SNTG2: variants seen among roughly 807,000 people sequenced by gnomAD.
SNTG2 encodes gamma-2-syntrophin.
Under a neutral mutation model 70.9 loss-of-function variants are expected in SNTG2, and 74 were observed. The ratio of observed to expected loss-of-function variants is 1.04; its 90% CI spans 0.86 to 1.27. The LOEUF is 1.27. Among genes scored for constraint, SNTG2 ranks in the 50% most tolerant of loss-of-function variants. The probability of loss-of-function intolerance (pLI) is 0.00; values close to 1 mark genes in which losing one functional copy is unlikely to be tolerated. For synonymous variants in SNTG2, 278 were observed against 273.8 expected, an observed-to-expected ratio of 1.02 and a Z score of -0.15; for missense variants, 717 against 690.7, an observed-to-expected ratio of 1.04 and a Z score of -0.43.
chr2:1,050,443 C>A lies in SNTG2; in HGVS notation c.73-33075C>A, dbSNP rs989912995. ...AGATTATTCTTTCCAAACTTCACTG[C>A]AATACCACATTTATCACAAATGTGG... is the stretch of plus-strand genomic sequence containing the variant. On this transcript the variant is annotated intron_variant, in intron 1 of 16. Transcript: ENST00000308624. Among the ~76,000 whole-genome samples the A allele has an allele frequency of 1.3e-5, 2 of 151,972 alleles. 1 individual carries two copies. The highest frequency in any genetic ancestry group is 2.9e-5 in the Non-Finnish European group (2 of 68,008).
intron 1 of SNTG2, among the ~76,000 whole-genome samples, chr2:1,078,507 T>G (rs1664071440): frequency 6.6e-6 from 1 of 151,376 alleles, no homozygotes. Flanking sequence ...GCAGGGCAGG[T>G]GGATGGGCCC....
chr2:1,116,294 T>C (rs1355068818), intron 4 of SNTG2, among the ~76,000 whole-genome samples: 1 of 152,216 alleles, frequency 6.6e-6, no homozygotes, highest in Non-Finnish European at 1.5e-5. Flanking sequence ...GAACACTTTA[T>C]CAGCCTGACA....
intron 1 of SNTG2, among the ~76,000 whole-genome samples, chr2:1,018,239 A>AGT (rs1659973004): frequency 6.6e-6 from 1 of 152,220 alleles, no homozygotes; most frequent in Non-Finnish European, 1.5e-5. Flanking sequence ...CGTTCTGTTC[A>AGT]GTGCATCAAA....
rs371823745 is a variant in SNTG2 at position 1,065,123 on chromosome 2, T to G, written c.73-18395T>G. Among the ~76,000 whole-genome samples the G allele has an allele frequency of 4.6e-5, 7 of 152,256 alleles. No individual in the cohort carries two copies. The East Asian group carries it at 1.4e-3, about 29-fold the overall frequency. On this transcript the variant is annotated intron_variant, in intron 1 of 16. Transcript: ENST00000308624. ...CTGTGTAGCTGGAGCCACACAGCCA[T>G]GTGGGATGTGGGGGTGTCAGTCCAG...
intron 16 of SNTG2, among the ~76,000 whole-genome samples, chr2:1,350,844 T>A (rs1227220724): frequency 6.6e-6 from 1 of 152,174 alleles, no homozygotes; most frequent in African/African-American, 2.4e-5. Context: ...AAGCAAATGA[T>A]ATTTTGAGTG....
intron 1 of SNTG2, among the ~76,000 whole-genome samples, chr2:1,041,015 C>A (rs1426147027): frequency 6.6e-6 from 1 of 152,170 alleles, no homozygotes; most frequent in Non-Finnish European, 1.5e-5. Context: ...CCGGGACTGG[C>A]AGAGAAAAGG....
intron 1 of SNTG2, 117 bp from the exon 2 acceptor site, chr2:1,083,401 C>T (rs1270021742): frequency 1.1e-5 from 11 of 978,786 alleles, no homozygotes; most frequent in East Asian, 4.8e-5. Context: ...TCTGTGCACA[C>T]GCGAGCACTA....
rs562851733 is a variant in SNTG2 at position 1,078,266 on chromosome 2, G to C, written c.73-5252G>C. 2.2e-4 allele frequency among the ~76,000 whole-genome samples: 33 copies of C among 152,314 alleles called. 1 individual carries two copies. In the South Asian group the frequency reaches 6.4e-3, roughly 30 times the overall value. ...CCTTCCATCATGGAACTCATGCTCTGTTGTCAAGCGGCACATGGGTTCTGA... is the reference window on the plus strand; with the variant it reads ...CCTTCCATCATGGAACTCATGCTCTCTTGTCAAGCGGCACATGGGTTCTGA... On this transcript the variant is annotated intron_variant, in intron 1 of 16. Transcript: ENST00000308624.
intron 15 of SNTG2, among the ~76,000 whole-genome samples, chr2:1,313,433 G>A (rs538208214): frequency 3.3e-5 from 5 of 152,332 alleles, no homozygotes; most frequent in South Asian, 2.1e-4. Context: ...GCCCAACAGC[G>A]TCTCTGGAGC....
intron 1 of SNTG2, among the ~76,000 whole-genome samples, chr2:1,007,583 T>G (rs1659609648): frequency 6.6e-6 from 1 of 152,180 alleles, no homozygotes; most frequent in Non-Finnish European, 1.5e-5. Flanking sequence ...CAAGGAATTT[T>G]CTGAGTAAAT....
intron 1 of SNTG2, among the ~76,000 whole-genome samples, chr2:989,669 A>G (rs1661430197): frequency 6.6e-6 from 1 of 152,146 alleles, no homozygotes; most frequent in South Asian, 2.1e-4. Flanking sequence ...CTCATAATAT[A>G]TTTGCTTTCG....
At chr2:1,204,761 T>C (rs1430313033) in intron 8 of SNTG2, among the ~76,000 whole-genome samples, 1 of 152,214 alleles carries the variant, frequency 6.6e-6, no homozygotes, top group Non-Finnish European at 1.5e-5. Context: ...AACTTTATTA[T>C]AAGTGTGTGT....
intron 11 of SNTG2, among the ~76,000 whole-genome samples, chr2:1,245,067 A>G (rs1014401798): frequency 3.4e-5 from 5 of 146,274 alleles, no homozygotes; most frequent in African/African-American, 1.0e-4. Flanking sequence ...TGGGAATTGA[A>G]CAATGAGAAC....
At chr2:1,022,835 A>C (rs1051153673) in intron 1 of SNTG2, among the ~76,000 whole-genome samples, 1 of 152,186 alleles carries the variant, frequency 6.6e-6, no homozygotes, top group African/African-American at 2.4e-5. Flanking sequence ...AGCTGCAGTT[A>C]ACATTGTAGC....
At chr2:998,532 A>G (rs1661768308) in intron 1 of SNTG2, among the ~76,000 whole-genome samples, 1 of 151,894 alleles carries the variant, frequency 6.6e-6, no homozygotes, top group African/African-American at 2.4e-5. Flanking sequence ...GGCAGTAACA[A>G]TAGACTAGAC....
intron 1 of SNTG2, among the ~76,000 whole-genome samples, chr2:1,054,539 C>A (rs1662271072): frequency 6.6e-6 from 1 of 152,124 alleles, no homozygotes; most frequent in South Asian, 2.1e-4. Flanking sequence ...AGGATGCAGT[C>A]CTACATGGCT....
chr2:1,366,987 G>A (rs187577737), intron 16 of SNTG2, among the ~76,000 whole-genome samples: 2 of 152,338 alleles, frequency 1.3e-5, no homozygotes, highest in East Asian at 3.9e-4. Flanking sequence ...CTGGGCAGGT[G>A]GGGAAGACTG....
At chr2:1,094,934 C>T (rs1300170357) in intron 2 of SNTG2, among the ~76,000 whole-genome samples, 2 of 114,974 alleles carry the variant, frequency 1.7e-5, no homozygotes, top group Non-Finnish European at 1.8e-5. Context: ...GCTTCCTGGA[C>T]TGCAGGCGAA....
Position 963,548 on chromosome 2 carries a change from T to C in SNTG2, c.72+12480T>C, listed in dbSNP as rs79391197. 5.0e-3 allele frequency among the ~76,000 whole-genome samples: 768 copies of C among 152,300 alleles called. 12 individuals carry two copies. Among genetic ancestry groups the C allele is most frequent in the African/African-American group, 0.017 (697 of 41,560 alleles). On this transcript the variant is annotated intron_variant, in intron 1 of 16. Coordinates refer to ENST00000308624, the MANE Select transcript of SNTG2 (RefSeq NM_018968.4). ...CCCAAAATAATTAATAATGTTCTTA[T>C]TGAAATAACATGTGCCTTGGGACCA... is the stretch of plus-strand genomic sequence containing the variant.
Sources: gnomAD v4.1 joint callset for allele counts (sites outside exome capture counted in the v4.1 genomes callset) on GRCh38, gnomAD v4.1.1 for gene constraint, MANE v1.5 for transcripts, NCBI Gene and HGNC (gene_info 2026-07-23, HGNC 2026-07-21) for gene names.